Variants in TMEM132D observed in about 807,000 individuals in gnomAD.
TMEM132D encodes mature OL transmembrane protein.
A neutral mutation model predicts 62.3 loss-of-function variants in TMEM132D; 21 were observed. That is an observed-to-expected ratio of 0.34 (90% CI 0.24 to 0.49). The LOEUF (loss-of-function observed/expected upper bound fraction) is 0.49, where lower values mean the gene tolerates loss of function less well. Among genes scored for constraint, TMEM132D ranks in the 20% least tolerant of loss-of-function variants. TMEM132D has a pLI of 0.99. For missense variants in TMEM132D, 1,346 were observed against 1,402.8 expected, an observed-to-expected ratio of 0.96 and a Z score of 0.65; for synonymous variants, 621 against 575.6, an observed-to-expected ratio of 1.08 and a Z score of -1.13.
At chr12:129,654,996 G>C (rs1190102581) in intron 2 of TMEM132D, among the ~76,000 whole-genome samples, 1 of 151,656 alleles carries the variant, frequency 6.6e-6, no homozygotes, top group Non-Finnish European at 1.5e-5. Context: ...CGCCCAGGCT[G>C]GAGTGCAGTG....
rs1488530360 is a variant in TMEM132D, at chr12:129,072,133, T to C, written c.*1742A>G. On this transcript the variant is annotated 3_prime_UTR_variant, in exon 9 of 9. Coordinates refer to ENST00000422113, the MANE Select transcript of TMEM132D (RefSeq NM_133448.3). The stretch of plus-strand genomic sequence containing the variant: ...AGGAAGAAGGAGTAAAGACACACAC[T>C]CAAAATTACAGAGATGAGATGGAGA... The C allele has an allele frequency of 1.1e-5, 1 of 90,872 alleles. No homozygotes were observed. Among genetic ancestry groups the C allele is most frequent in the African/African-American group, 5.6e-5 (1 of 17,706 alleles). The allele number at this position is 90,872 out of a possible 1,614,324, so 5.6% of individuals were successfully genotyped here. A position where few individuals can be genotyped will look rare whatever the true frequency, so the allele number is the denominator to read the frequency against.
At chr12:129,216,901 G>A (rs866347775) in intron 4 of TMEM132D, among the ~76,000 whole-genome samples, 23 of 152,262 alleles carry the variant, frequency 1.5e-4, no homozygotes, top group African/African-American at 5.3e-4. Flanking sequence ...AAAGGGGACC[G>A]CCTCATGATT....
intron 2 of TMEM132D, among the ~76,000 whole-genome samples, chr12:129,630,608 C>G (rs535590125): frequency 6.6e-6 from 1 of 152,226 alleles, no homozygotes; most frequent in East Asian, 1.9e-4. Context: ...ATCTGTTATT[C>G]AAGTGATCAT....
intron 5 of TMEM132D, chr12:129,085,021 G>A (rs1874573061): frequency 2.0e-6 from 1 of 492,120 alleles, no homozygotes; most frequent in East Asian, 3.4e-5. Context: ...ACTGCCCTTA[G>A]GTGAGTGGAG....
intron 4 of TMEM132D, among the ~76,000 whole-genome samples, chr12:129,260,377 A>G (rs1044318285): frequency 6.6e-6 from 1 of 152,214 alleles, no homozygotes; most frequent in Non-Finnish European, 1.5e-5. Context: ...GCTTCAATCA[A>G]GTGGCTGGGG....
intron 2 of TMEM132D, among the ~76,000 whole-genome samples, chr12:129,698,812 A>C (rs1214764703): frequency 6.6e-6 from 1 of 151,432 alleles, no homozygotes; most frequent in African/African-American, 2.4e-5. Flanking sequence ...GAATAGAAAA[A>C]AGAAAAGAAG....
chr12:129,297,126 G>A (rs933707218), intron 4 of TMEM132D, among the ~76,000 whole-genome samples: 10 of 152,318 alleles, frequency 6.6e-5, no homozygotes, highest in Admixed American at 1.3e-4. Context: ...GGAGACCCCC[G>A]TCTTTAGTGT....
At chr12:129,664,263 C>T (rs1203000033) in intron 2 of TMEM132D, among the ~76,000 whole-genome samples, 2 of 152,086 alleles carry the variant, frequency 1.3e-5, no homozygotes, top group African/African-American at 2.4e-5. Flanking sequence ...GGCCTCTGGA[C>T]CTTTTGGGCA....
intron 3 of TMEM132D, among the ~76,000 whole-genome samples, chr12:129,527,866 T>G (rs1876093919): frequency 6.6e-6 from 1 of 152,214 alleles, no homozygotes; most frequent in Non-Finnish European, 1.5e-5. Flanking sequence ...GCAACCTAAC[T>G]TCTTCAAACA....
At chr12:129,721,558 C>G (rs182624951) in intron 1 of TMEM132D, among the ~76,000 whole-genome samples, 3 of 152,062 alleles carry the variant, frequency 2.0e-5, no homozygotes, top group Non-Finnish European at 4.4e-5. Context: ...TGCTGGCGCT[C>G]TAGGTGAGCA....
intron 4 of TMEM132D, among the ~76,000 whole-genome samples, chr12:129,211,676 T>C (rs986865538): frequency 1.4e-4 from 21 of 152,236 alleles, no homozygotes; most frequent in Admixed American, 1.2e-3. Context: ...ATTTTAATTC[T>C]AAAAGACAAG....
chr12:129,568,657 T>A (rs1054357162), intron 2 of TMEM132D, among the ~76,000 whole-genome samples: 17 of 152,240 alleles, frequency 1.1e-4, no homozygotes, highest in Non-Finnish European at 1.8e-4. Context: ...TTGAAACATA[T>A]TAAGCAACAC....
intron 2 of TMEM132D, among the ~76,000 whole-genome samples, chr12:129,604,728 C>G (rs1250305257): frequency 6.6e-6 from 1 of 152,214 alleles, no homozygotes; most frequent in Non-Finnish European, 1.5e-5. Context: ...GAAGCATTAT[C>G]ATACTTAGAT....
chr12:129,100,474 C>T (rs542908457), intron 5 of TMEM132D, among the ~76,000 whole-genome samples: 52 of 152,222 alleles, frequency 3.4e-4, no homozygotes, highest in Non-Finnish European at 6.8e-4. Flanking sequence ...AGAGAATCTC[C>T]ACCGTGGGTT....
intron 2 of TMEM132D, among the ~76,000 whole-genome samples, chr12:129,654,950 T>A (rs1244463006): frequency 6.6e-6 from 1 of 151,678 alleles, no homozygotes; most frequent in Non-Finnish European, 1.5e-5. Flanking sequence ...TTCCTTTTCT[T>A]TTTTTTTTCC....
chr12:129,681,612 A>C (rs1362934270), intron 2 of TMEM132D: 1 of 152,188 alleles, frequency 6.6e-6, no homozygotes, highest in Non-Finnish European at 1.5e-5. Flanking sequence ...GAAAAAGTCA[A>C]AGCTTCCTTT....
chr12:129,845,265 T>C (rs548948242), intron 1 of TMEM132D, among the ~76,000 whole-genome samples: 1 of 152,316 alleles, frequency 6.6e-6, no homozygotes, highest in East Asian at 1.9e-4. Context: ...CACTTCCCTA[T>C]AAGAATGTTT....
intron 2 of TMEM132D, among the ~76,000 whole-genome samples, chr12:129,621,367 G>A (rs1490783959): frequency 6.6e-6 from 1 of 152,064 alleles, no homozygotes; most frequent in African/African-American, 2.4e-5. Flanking sequence ...TGCTCTCTGG[G>A]GAGCTCAGCA....
At chr12:129,796,350 C>G (rs1392164976) in intron 1 of TMEM132D, among the ~76,000 whole-genome samples, 1 of 152,022 alleles carries the variant, frequency 6.6e-6, no homozygotes, top group African/African-American at 2.4e-5. Context: ...AAAAGTTAAC[C>G]TACGGATACC....
Sources: allele counts gnomAD v4.1 joint callset (sites outside exome capture counted in the v4.1 genomes callset), GRCh38; gene constraint gnomAD v4.1.1; transcripts MANE v1.5; gene names NCBI Gene and HGNC (gene_info 2026-07-23, HGNC 2026-07-21).